The following EIF4EBP3 variants were observed in gnomAD, a reference collection of about 807,000 sequenced individuals.
The protein encoded by EIF4EBP3 is eukaryotic translation initiation factor 4E-binding protein 3.
EIF4EBP3 carries 11 observed loss-of-function variants against 12.1 expected under a neutral mutation model. The observed-to-expected ratio is 0.91, with a 90% CI of 0.57 to 1.51. The LOEUF (loss-of-function observed/expected upper bound fraction) is 1.51. Among genes scored for constraint, EIF4EBP3 ranks in the 40% most tolerant of loss-of-function variants. The pLI is 0.00. For missense variants in EIF4EBP3, 136 were observed against 131.8 expected, an observed-to-expected ratio of 1.03 and a Z score of -0.16; for synonymous variants, 43 against 54.2, an observed-to-expected ratio of 0.79 and a Z score of 0.91.
At position 140,548,997 on chromosome 5, in the gene EIF4EBP3, C is replaced by T. The variant is rs1051932137; in HGVS notation, c.195C>T (p.Pro65=). The part of the protein sequence containing the change: ...RTPPCCLPQI[P]GVTTPPTAPL... ...CCCCCTGCTGCCTCCCTCAGATTCCCGGGGTCACAACTCCTCCAACAGCCC... is the reference window on the plus strand; with the variant it reads ...CCCCCTGCTGCCTCCCTCAGATTCCTGGGGTCACAACTCCTCCAACAGCCC... Residue 65 remains proline, a synonymous_variant, in exon 2 of 3, where the codon CCC becomes CCT. Transcript: ENST00000310331. 4.3e-6 allele frequency: 7 copies of T among 1,613,990 alleles called. No individual in the cohort carries two copies. In the East Asian group the frequency reaches 6.7e-5, roughly 15 times the overall value.
In EIF4EBP3 at chr5:140,547,840, G is replaced by A; in HGVS notation, c.103G>A (p.Gly35Ser). 3 of 1,445,198 alleles carry A rather than the reference G, an allele frequency of 2.1e-6. No individual in the cohort carries two copies. The highest frequency in any genetic ancestry group is 2.7e-6 in the Non-Finnish European group (3 of 1,095,116). 89.5% of individuals were successfully genotyped at this position (1,445,198 alleles called of 1,614,324 possible). A position where few individuals can be genotyped will look rare whatever the true frequency, so the allele number is the denominator to read the frequency against. The change falls in exon 1 of 3, where the codon GGC becomes AGC. Residue 35 changes from glycine to serine, a missense_variant and splice_region_variant. By Grantham distance (56) the Gly-to-Ser change is moderately conservative. Transcript: ENST00000310331. Reference sequence around the variant, plus strand: ...CACGCTATACGCCACTACCCCCGGAGGTCAGCGGGCCGGGCAGGGGTCCGC... The same window carrying A: ...CACGCTATACGCCACTACCCCCGGAAGTCAGCGGGCCGGGCAGGGGTCCGC... The part of the protein sequence containing the change: ...GGTLYATTPG[G>S]TRIIYDRKFL...
At chr5:140,547,907 G>C (rs1754417834) in intron 1 of EIF4EBP3, 67 bp downstream of exon 1, 2 of 1,309,202 alleles carry the variant, frequency 1.5e-6, no homozygotes, top group Non-Finnish European at 1.0e-6. Flanking sequence ...TTGCGGGGCG[G>C]GGGTAGGGGA....
At chr5:140,548,784 T>C in intron 1 of EIF4EBP3, 122 bp from the exon 2 acceptor site, 3 of 1,377,476 alleles carry the variant, frequency 2.2e-6, no homozygotes, top group Non-Finnish European at 2.9e-6. Flanking sequence ...CCGATGTCCT[T>C]TGATACACAG....
intron 1 of EIF4EBP3, 108 bp from the exon 2 acceptor site, chr5:140,548,798 A>T: frequency 6.9e-7 from 1 of 1,442,420 alleles, no homozygotes. Flanking sequence ...TACACAGGGA[A>T]ATTTGACACC....
In EIF4EBP3 at chr5:140,548,972, C is replaced by A. The variant is rs775924983; in HGVS notation, c.170C>A (p.Pro57His). ...AAGAACTCACCCATTGCCCGGACACCCCCCTGCTGCCTCCCTCAGATTCCC... is the reference window on the plus strand; with the variant it reads ...AAGAACTCACCCATTGCCCGGACACACCCCTGCTGCCTCCCTCAGATTCCC... The part of the protein sequence containing the change: ...ECKNSPIART[P>H]PCCLPQIPGV... The change falls in exon 2 of 3, where the codon CCC becomes CAC. Residue 57 changes from proline (P) to histidine (H), a missense_variant. Coordinates refer to ENST00000310331, the MANE Select transcript of EIF4EBP3 (RefSeq NM_003732.3). 2 of 1,614,126 alleles carry A rather than the reference C, an allele frequency of 1.2e-6. No individual in the cohort carries two copies. Among genetic ancestry groups the A allele is most frequent in the East Asian group, 2.2e-5 (1 of 44,876 alleles).
At chr5:140,547,861 T>G in intron 1 of EIF4EBP3, 21 bp downstream of exon 1, 2 of 1,418,196 alleles carry the variant, frequency 1.4e-6, no homozygotes, top group Non-Finnish European at 1.8e-6. Context: ...CGGGCAGGGG[T>G]CCGCAGGCTG....
rs376849900 is a variant in EIF4EBP3 at position 140,549,064 on chromosome 5, G to C, written c.262G>C (p.Glu88Gln). ...LEELKEQETE[E>Q]EIPDDAQFEM... Reference sequence around the variant, plus strand: ...GGAGCTGAAGGAGCAGGAGACAGAGGAAGAGATACCCGGTAAGGAAAGCAG... The same window carrying C: ...GGAGCTGAAGGAGCAGGAGACAGAGCAAGAGATACCCGGTAAGGAAAGCAG... The change falls in exon 2 of 3, where the codon GAA becomes CAA. Residue 88 changes from glutamate (E) to glutamine (Q), a missense_variant. Transcript: ENST00000310331. The C allele has an allele frequency of 3.7e-6, 6 of 1,614,036 alleles. No individual in the cohort carries two copies. The African/African-American group carries it at 6.7e-5, about 18-fold the overall frequency.
intron 2 of EIF4EBP3, 26 bp from the exon 3 acceptor site, chr5:140,549,197 GACCAGCAACCT>G: frequency 6.2e-7 from 1 of 1,614,200 alleles, no homozygotes; most frequent in Non-Finnish European, 8.5e-7. Flanking sequence ...CAGATCCTCA[GACCAGCAACCT>G]GTCTTCCTGC....
chr5:140,547,998 C>T (rs778095721), intron 1 of EIF4EBP3, among the ~76,000 whole-genome samples, 158 bp downstream of exon 1: 4 of 152,226 alleles, frequency 2.6e-5, no homozygotes, highest in African/African-American at 4.8e-5. Context: ...AAGCTCAGTT[C>T]CCAAAAACTT....
intron 1 of EIF4EBP3, among the ~76,000 whole-genome samples, chr5:140,548,695 T>C (rs1489149346): frequency 6.6e-6 from 1 of 152,200 alleles, no homozygotes; most frequent in Non-Finnish European, 1.5e-5. Context: ...CCTTGCTTTA[T>C]ACCCACATCT....
In EIF4EBP3 at chr5:140,549,457, A is replaced by C; in HGVS notation, c.*195A>C. Reference sequence around the variant, plus strand: ...GGAGTGGGCAACTTGCCAAGCCCTTAACTCTACTTCCTCTTCAGTCTGTGG... The same window carrying C: ...GGAGTGGGCAACTTGCCAAGCCCTTCACTCTACTTCCTCTTCAGTCTGTGG... On this transcript the variant is annotated 3_prime_UTR_variant, in exon 3 of 3. Transcript: ENST00000310331. The C allele has an allele frequency of 2.5e-6, 2 of 795,552 alleles. No homozygotes were observed. The highest frequency in any genetic ancestry group is 5.3e-5 in the East Asian group (2 of 37,666). The allele number at this position is 795,552 out of a possible 1,614,324, so 49.3% of individuals were successfully genotyped here.
intron 1 of EIF4EBP3, among the ~76,000 whole-genome samples, chr5:140,548,596 C>T (rs1305073680): frequency 2.0e-5 from 3 of 152,160 alleles, no homozygotes; most frequent in Admixed American, 2.0e-4. Flanking sequence ...CATGAAGTAC[C>T]TGAACTCAAA....
intron 1 of EIF4EBP3, among the ~76,000 whole-genome samples, chr5:140,548,662 G>C (rs1281875790): frequency 1.3e-5 from 2 of 152,156 alleles, no homozygotes; most frequent in East Asian, 3.9e-4. Flanking sequence ...TAAAGCCCCT[G>C]CCTATACCAG....
At chr5:140,548,451 A>G (rs1754437213) in intron 1 of EIF4EBP3, among the ~76,000 whole-genome samples, 1 of 152,178 alleles carries the variant, frequency 6.6e-6, no homozygotes, top group Non-Finnish European at 1.5e-5. Context: ...CCTGCAGGAG[A>G]TAGCCCAGGT....
chr5:140,547,933 C>T (rs1754418589), intron 1 of EIF4EBP3, 93 bp downstream of exon 1: 1 of 1,056,882 alleles, frequency 9.5e-7, no homozygotes, highest in Non-Finnish European at 1.3e-6. Context: ...AGACCTAAGA[C>T]TTGTCCGCAG....
Position 140,549,359 on chromosome 5 carries a change from TCA to T in EIF4EBP3, c.*98_*99del. ...TGGGGCATCCAAAGGCCAGCTGGCCTCATCTAATCTGGAAGGGAGTGACTTGT... is the reference window on the plus strand; with the variant it reads ...TGGGGCATCCAAAGGCCAGCTGGCCTTCTAATCTGGAAGGGAGTGACTTGT... On this transcript the variant is annotated 3_prime_UTR_variant, in exon 3 of 3. Coordinates refer to ENST00000310331, the MANE Select transcript of EIF4EBP3 (RefSeq NM_003732.3). 1 of 1,599,546 alleles carries T rather than the reference TCA, an allele frequency of 6.3e-7. No individual in the cohort carries two copies. The highest frequency in any genetic ancestry group is 8.6e-7 in the Non-Finnish European group (1 of 1,167,630).
chr5:140,548,845 G>A, intron 1 of EIF4EBP3, 61 bp from the exon 2 acceptor site: 1 of 1,553,188 alleles, frequency 6.4e-7, no homozygotes, highest in South Asian at 1.2e-5. Context: ...CTGAGTCTGG[G>A]ACCCCAGTCA....
chr5:140,548,980 T>G lies in EIF4EBP3; in HGVS notation c.178T>G (p.Cys60Gly), dbSNP rs762329740. The change falls in exon 2 of 3, where the codon TGC becomes GGC. Residue 60 changes from cysteine (C) to glycine (G), a missense_variant. By Grantham distance (159) the Cys-to-Gly change is radical. Transcript: ENST00000310331. ...NSPIARTPPC[C>G]LPQIPGVTTP... ...ACCCATTGCCCGGACACCCCCCTGC[T>G]GCCTCCCTCAGATTCCCGGGGTCAC... The G allele has an allele frequency of 6.2e-7, 1 of 1,614,168 alleles. No individual in the cohort carries two copies. Among genetic ancestry groups the G allele is most frequent in the East Asian group, 2.2e-5 (1 of 44,880 alleles).
rs1012795465 is a variant in EIF4EBP3, at chr5:140,549,334, T to C, written c.*72T>C. On this transcript the variant is annotated 3_prime_UTR_variant, in exon 3 of 3. Transcript: ENST00000310331. ...TGCCACTGCTGCCACCACCTCTTCCTGGGGCATCCAAAGGCCAGCTGGCCT... is the reference window on the plus strand; with the variant it reads ...TGCCACTGCTGCCACCACCTCTTCCCGGGGCATCCAAAGGCCAGCTGGCCT... 1.9e-6 allele frequency: 3 copies of C among 1,613,052 alleles called. No individual in the cohort carries two copies. In the African/African-American group the frequency reaches 4.0e-5, roughly 22 times the overall value.
Sources: gnomAD v4.1 joint callset for allele counts (sites outside exome capture counted in the v4.1 genomes callset) on GRCh38, gnomAD v4.1.1 for gene constraint, MANE v1.5 for transcripts, NCBI Gene and HGNC (gene_info 2026-07-23, HGNC 2026-07-21) for gene names.